The following ZFAT variants were observed in gnomAD, a reference collection of about 807,000 sequenced individuals.
ZFAT encodes zinc finger and AT-hook domain containing, also known as zinc finger protein ZFAT.
Under a neutral mutation model 117.7 loss-of-function variants are expected in ZFAT, and 64 were observed. The observed-to-expected ratio is 0.54, with a 90% CI of 0.44 to 0.67. ZFAT has a LOEUF of 0.67. Among genes scored for constraint, ZFAT ranks in the 30% least tolerant of loss-of-function variants. ZFAT has a pLI of 0.00. For synonymous variants in ZFAT, 679 were observed against 615.0 expected, an observed-to-expected ratio of 1.10 and a Z score of -1.54; for missense variants, 1,433 against 1,584.5, an observed-to-expected ratio of 0.90 and a Z score of 1.62.
intron 8 of ZFAT, among the ~76,000 whole-genome samples, chr8:134,589,181 T>C (rs748311200): frequency 1.4e-4 from 21 of 152,214 alleles, no homozygotes; most frequent in Non-Finnish European, 2.9e-4. Flanking sequence ...CATCTGTTCA[T>C]CAGCAAAGGT....
chr8:134,663,452 G>C (rs949826509), intron 1 of ZFAT, among the ~76,000 whole-genome samples: 35 of 152,180 alleles, frequency 2.3e-4, no homozygotes, highest in Non-Finnish European at 1.2e-4. Context: ...TTTTCACTGT[G>C]AAACTTTTTT....
intron 1 of ZFAT, chr8:134,696,314 C>T (rs995366337): frequency 2.5e-5 from 23 of 918,872 alleles, no homozygotes; most frequent in Non-Finnish European, 2.7e-5. Context: ...AGCAGTACAG[C>T]GTTCCTGCCA....
intron 12 of ZFAT, among the ~76,000 whole-genome samples, chr8:134,527,157 G>A (rs1821083013): frequency 6.6e-6 from 1 of 152,182 alleles, no homozygotes; most frequent in Admixed American, 6.5e-5. Flanking sequence ...AGGTGGAGAA[G>A]GGGGTCACAG....
chr8:134,809,417 G>A, the ZFAT span, among the ~76,000 whole-genome samples: 2 of 152,182 alleles, frequency 1.3e-5, no homozygotes, highest in African/African-American at 2.4e-5. Flanking sequence ...CAGCCTTGCC[G>A]TTCGGGTGAC....
At position 134,602,329 on chromosome 8, in the gene ZFAT, G is replaced by T. The variant is rs374767571; in HGVS notation, c.1390C>A (p.Arg464Ser). The change falls in exon 6 of 16, where the codon CGC becomes AGC. Residue 464 changes from arginine to serine, a missense_variant. Arg to Ser is a moderately radical substitution (Grantham distance 110, BLOSUM62 -1). Around this residue, in one of 5 missense-constraint regions of ZFAT, gnomAD observed 73 missense variants for 122.0 expected, o/e 0.60. Transcript: ENST00000377838. ...CTGATGGAGCTGACGAACTTCTTGC[G>T]GCAGACGGCACAGACGTACACGAAG... The part of the protein sequence containing the change: ...HPFVYVCAVC[R>S]KKFVSSIRLR... 6.2e-7 allele frequency: 1 copy of T among 1,613,878 alleles called. No individual in the cohort carries two copies.
chr8:134,591,731 A>C (rs767155149), intron 7 of ZFAT, among the ~76,000 whole-genome samples: 1 of 152,206 alleles, frequency 6.6e-6, no homozygotes. Context: ...CACCATGTGC[A>C]GATGGAGGCA....
chr8:134,541,686 C>T (rs1822267326), intron 11 of ZFAT, among the ~76,000 whole-genome samples: 1 of 152,174 alleles, frequency 6.6e-6, no homozygotes, highest in Non-Finnish European at 1.5e-5. Flanking sequence ...ATACCAGTGT[C>T]TGAGTTTGAG....
intron 2 of ZFAT, chr8:134,639,910 T>G (rs1830488129): frequency 2.6e-6 from 1 of 383,100 alleles, no homozygotes; most frequent in Non-Finnish European, 5.1e-6. Context: ...TCTATGAGGA[T>G]GTGATTGTGA....
chr8:134,725,456 A>G, the ZFAT span, among the ~76,000 whole-genome samples: 1 of 152,122 alleles, frequency 6.6e-6, no homozygotes, highest in African/African-American at 2.4e-5. Context: ...CACATATTAC[A>G]TGGCCAGCGT....
chr8:134,583,642 T>A (rs1825864527), intron 10 of ZFAT, among the ~76,000 whole-genome samples, 190 bp downstream of exon 10: 1 of 152,180 alleles, frequency 6.6e-6, no homozygotes. Flanking sequence ...ATCCTGCACC[T>A]GCTGGAAGTG....
chr8:134,640,007 T>C (rs1830492414), intron 2 of ZFAT: 1 of 349,544 alleles, frequency 2.9e-6, no homozygotes, highest in African/African-American at 2.2e-5. Context: ...ATGTCCCTCC[T>C]GATGTCCTAT....
chr8:134,724,957 C>G, the ZFAT span, among the ~76,000 whole-genome samples: 1 of 152,330 alleles, frequency 6.6e-6, no homozygotes, highest in East Asian at 1.9e-4. Flanking sequence ...CCACCGCAAG[C>G]TCAGTTGCAG....
At chr8:134,532,439 A>T (rs1262339555) in intron 12 of ZFAT, among the ~76,000 whole-genome samples, 1 of 152,232 alleles carries the variant, frequency 6.6e-6, no homozygotes, top group African/African-American at 2.4e-5. Context: ...CATAATTAGG[A>T]AGACAGTATA....
the ZFAT span, among the ~76,000 whole-genome samples, chr8:134,750,256 C>A: frequency 7.3e-6 from 1 of 137,442 alleles, no homozygotes; most frequent in Non-Finnish European, 1.6e-5. Flanking sequence ...CGATTGGTAT[C>A]TCTTTTTAAA....
At chr8:134,755,439 G>A in the ZFAT span, among the ~76,000 whole-genome samples, 2 of 150,756 alleles carry the variant, frequency 1.3e-5, no homozygotes, top group Admixed American at 6.6e-5. Flanking sequence ...CTTTTAGGGT[G>A]TAAGTGGTTT....
At chr8:134,493,286 G>A (rs1472502921) in intron 15 of ZFAT, among the ~76,000 whole-genome samples, 4 of 152,116 alleles carry the variant, frequency 2.6e-5, no homozygotes, top group South Asian at 2.1e-4. Flanking sequence ...CCTGCAACAC[G>A]GACTTGTCCA....
At chr8:134,581,535 C>T (rs886888130) in intron 10 of ZFAT, among the ~76,000 whole-genome samples, 3 of 152,210 alleles carry the variant, frequency 2.0e-5, no homozygotes, top group Non-Finnish European at 2.9e-5. Flanking sequence ...AGGCAAGCTA[C>T]CTGTTCCAGT....
chr8:134,822,786 C>T, the ZFAT span, among the ~76,000 whole-genome samples: 1 of 152,098 alleles, frequency 6.6e-6, no homozygotes, highest in Non-Finnish European at 1.5e-5. Flanking sequence ...TGGTCCCTGA[C>T]ACAAATTACT....
At chr8:134,505,302 A>C (rs1217230682) in intron 15 of ZFAT, among the ~76,000 whole-genome samples, 4 of 152,188 alleles carry the variant, frequency 2.6e-5, no homozygotes, top group Admixed American at 2.6e-4. Flanking sequence ...TGCATGAAAA[A>C]ATAAGTCATT....
Sources: gnomAD v4.1 joint callset for allele counts (sites outside exome capture counted in the v4.1 genomes callset) on GRCh38, gnomAD v4.1.1 for gene constraint, gnomAD v4.1.1 regional missense constraint, MANE v1.5 for transcripts, NCBI Gene and HGNC (gene_info 2026-07-23, HGNC 2026-07-21) for gene names.